STRA6: variants seen among roughly 807,000 people sequenced by gnomAD.
STRA6 encodes receptor for retinol uptake STRA6.
STRA6 carries 48 observed loss-of-function variants against 83.6 expected under a neutral mutation model. The ratio of observed to expected loss-of-function variants is 0.57; its 90% CI spans 0.46 to 0.73. The LOEUF (loss-of-function observed/expected upper bound fraction) is 0.73. Among genes scored for constraint, STRA6 ranks in the 30% least tolerant of loss-of-function variants. The pLI is 0.00. For synonymous variants in STRA6, 353 were observed against 362.3 expected, an observed-to-expected ratio of 0.97 and a Z score of 0.29; for missense variants, 760 against 838.8, an observed-to-expected ratio of 0.91 and a Z score of 1.16.
intron 1 of STRA6, chr15:74,208,782 G>C: frequency 1.0e-6 from 1 of 988,728 alleles, no homozygotes; most frequent in Non-Finnish European, 1.2e-6. Flanking sequence ...TGGCCTCCCA[G>C]ACTTGGCTCC....
chr15:74,206,806 G>A (rs780461673), upstream of STRA6, among the ~76,000 whole-genome samples: 23 of 152,244 alleles, frequency 1.5e-4, no homozygotes, highest in Non-Finnish European at 3.2e-4. Flanking sequence ...GGAGAGAGTA[G>A]CATAAGGGTC....
intron 18 of STRA6, 104 bp from the exon 19 acceptor site, chr15:74,180,347 G>A: frequency 6.9e-7 from 1 of 1,445,008 alleles, no homozygotes; most frequent in Non-Finnish European, 9.6e-7. Context: ...GCGTGTGCAG[G>A]TCGTGAGGCT....
At chr15:74,197,539 G>T in intron 3 of STRA6, 116 bp from the exon 4 acceptor site, 1 of 1,107,174 alleles carries the variant, frequency 9.0e-7, no homozygotes, top group Non-Finnish European at 1.3e-6. Context: ...GCACACTCAT[G>T]TGACATCTTG....
At chr15:74,204,614 G>A (rs183717689), upstream of STRA6, among the ~76,000 whole-genome samples, 118 of 152,312 alleles carry the variant, frequency 7.7e-4, no homozygotes, top group Middle Eastern at 6.8e-3. Flanking sequence ...CAGTGTCAGG[G>A]GTTAGACATC....
chr15:74,197,998 T>A (rs556062096), intron 2 of STRA6, 180 bp from the exon 3 acceptor site: 1 of 680,604 alleles, frequency 1.5e-6, no homozygotes, highest in Admixed American at 2.1e-5. Context: ...GGCCCTCGTG[T>A]CCCTGTGATG....
chr15:74,181,443 T>C lies in STRA6; in HGVS notation c.1536A>G (p.Ala512=). 2 of 1,613,734 alleles carry C rather than the reference T, an allele frequency of 1.2e-6. No homozygotes were observed. Among genetic ancestry groups the C allele is most frequent in the Non-Finnish European group, 8.5e-7 (1 of 1,179,914 alleles). ...PQLTNRRVLY[A]ATFLLFPLNV... is the part of the protein sequence containing the mutation. Reference sequence around the variant, plus strand: ...TGAGGGGGAAGAGAAGAAAGGTGGCTGCATAGAGCACTCGCCTAGGATGGG... The same window carrying C: ...TGAGGGGGAAGAGAAGAAAGGTGGCCGCATAGAGCACTCGCCTAGGATGGG... Residue 512 remains alanine, a synonymous_variant, in exon 17 of 19, where the codon GCA becomes GCG. Coordinates refer to ENST00000395105, the MANE Select transcript of STRA6 (RefSeq NM_022369.4).
intron 7 of STRA6, chr15:74,194,534 A>G: frequency 7.1e-6 from 3 of 423,782 alleles, no homozygotes; most frequent in African/African-American, 2.1e-5. Context: ...CCATGGACGG[A>G]TGGAGAAACG....
intron 2 of STRA6, 126 bp downstream of exon 2, chr15:74,202,014 TGCCCAAGGTCACACA>T (rs2074090942): frequency 1.9e-6 from 2 of 1,036,284 alleles, no homozygotes; most frequent in South Asian, 3.6e-5. Context: ...GGCTGTGACT[TGCCCAAGGTCACACA>T]GCAAATGAGT....
chr15:74,200,298 G>A (rs939225015), intron 2 of STRA6, among the ~76,000 whole-genome samples: 4 of 152,220 alleles, frequency 2.6e-5, no homozygotes, highest in Non-Finnish European at 4.4e-5. Flanking sequence ...GGAGGGAAGT[G>A]CATGAGGAAG....
intron 8 of STRA6, 55 bp from the exon 9 acceptor site, chr15:74,191,546 G>C: frequency 6.6e-7 from 1 of 1,507,926 alleles, no homozygotes; most frequent in Non-Finnish European, 9.2e-7. Flanking sequence ...CCCATTCGTG[G>C]GTCCCTGGCT....
chr15:74,197,233 T>C (rs1345365128), intron 4 of STRA6, 105 bp downstream of exon 4: 4 of 816,538 alleles, frequency 4.9e-6, no homozygotes, highest in Non-Finnish European at 8.2e-6. Flanking sequence ...GGGATGTCAT[T>C]AAAGCCAGAG....
chr15:74,195,027 C>T, intron 7 of STRA6: 1 of 1,435,096 alleles, frequency 7.0e-7, no homozygotes, highest in Non-Finnish European at 9.1e-7. Flanking sequence ...GGGGCCATTT[C>T]AGGCTTTCTC....
Position 74,179,903 on chromosome 15 carries a change from A to T in STRA6, c.*177T>A, listed in dbSNP as rs1392149600. On this transcript the variant is annotated 3_prime_UTR_variant, in exon 19 of 19. Coordinates refer to ENST00000395105, the MANE Select transcript of STRA6 (RefSeq NM_022369.4). ...GGCTCTCCCATAGCCAAGTGGGTGG[A>T]GCAGAGCCCTCCTGAGGCTCCCAGT... 3 of 814,630 alleles carry T rather than the reference A, an allele frequency of 3.7e-6. No individual in the cohort carries two copies. Among genetic ancestry groups the T allele is most frequent in the Non-Finnish European group, 5.7e-6 (3 of 522,136 alleles). 50.5% of individuals were successfully genotyped at this position (814,630 alleles called of 1,614,324 possible). A position where few individuals can be genotyped will look rare whatever the true frequency, so the allele number is the denominator to read the frequency against.
intron 12 of STRA6, 114 bp downstream of exon 12, chr15:74,189,001 G>A (rs2073394344): frequency 2.3e-6 from 3 of 1,290,352 alleles, no homozygotes; most frequent in Non-Finnish European, 3.3e-6. Flanking sequence ...CCAGAGAGAG[G>A]AAGGAATGTG....
At chr15:74,197,718 C>T in intron 3 of STRA6, 34 bp downstream of exon 3, 1 of 1,610,930 alleles carries the variant, frequency 6.2e-7, no homozygotes, top group Non-Finnish European at 8.5e-7. Flanking sequence ...CTGGCAGCAG[C>T]TTGCAAGCCA....
In STRA6 at chr15:74,188,888, AGCAG is replaced by A. The variant is rs1158471994; in HGVS notation, c.1090+223_1090+226del. ...GGGTGGTGGGGGAAGATGCCACAGA[AGCAG>A]GCAAGGGACAGGAGCTGCTGAGATG... is the stretch of plus-strand genomic sequence containing the variant. On this transcript the variant is annotated intron_variant, in intron 12 of 18. Transcript: ENST00000395105. This position sits in a 1 kb window ranked among gnomAD's most constrained non-coding sequence, Gnocchi z 4.5. 6.6e-6 allele frequency among the ~76,000 whole-genome samples: 1 copy of A among 152,186 alleles called. No homozygotes were observed. The highest frequency in any genetic ancestry group is 1.9e-4 in the East Asian group (1 of 5,182).
chr15:74,180,700 C>G (rs1257879068), intron 18 of STRA6, 82 bp downstream of exon 18: 2 of 1,518,854 alleles, frequency 1.3e-6, no homozygotes, highest in South Asian at 1.3e-5. Flanking sequence ...GGCGCTCACT[C>G]TGTGTGCTGG....
upstream of STRA6, among the ~76,000 whole-genome samples, chr15:74,205,869 G>A (rs2074249606): frequency 6.6e-6 from 1 of 152,236 alleles, no homozygotes; most frequent in Admixed American, 6.5e-5. Flanking sequence ...CTTTTCCCCT[G>A]GTGGGGGCCT....
chr15:74,190,957 C>T (rs765637693), intron 10 of STRA6, 56 bp from the exon 11 acceptor site: 2 of 1,610,852 alleles, frequency 1.2e-6, no homozygotes, highest in South Asian at 2.2e-5. Context: ...CCCGGGAGCC[C>T]TCCTCCCTCC....
Sources: gnomAD v4.1 joint callset for allele counts (sites outside exome capture counted in the v4.1 genomes callset) on GRCh38, gnomAD v4.1.1 for gene constraint, Gnocchi (gnomAD v3.1) non-coding constraint, MANE v1.5 for transcripts, NCBI Gene and HGNC (gene_info 2026-07-23, HGNC 2026-07-21) for gene names.